Variants in THSD7A observed in about 807,000 individuals in gnomAD.
The protein encoded by THSD7A is thrombospondin type-1 domain-containing protein 7A.
Under a neutral mutation model 231.3 loss-of-function variants are expected in THSD7A, and 96 were observed. The observed-to-expected ratio is 0.41, with a 90% CI of 0.35 to 0.49. THSD7A has a LOEUF of 0.49. Ranked by LOEUF, THSD7A falls within the 20% of genes least tolerant of loss-of-function variation. The pLI, the probability that THSD7A is intolerant of heterozygous loss-of-function variation, is 0.05. For missense variants in THSD7A, 2,290 were observed against 2,070.2 expected, an observed-to-expected ratio of 1.11 and a Z score of -2.06; for synonymous variants, 940 against 743.3, an observed-to-expected ratio of 1.26 and a Z score of -4.30.
chr7:11,540,276 C>T (rs48), intron 6 of THSD7A, among the ~76,000 whole-genome samples: 110,957 of 152,174 alleles, frequency 0.73, 41,996 homozygotes, highest in African/African-American at 0.93. Context: ...AATACTGTCT[C>T]GCATGACTAT....
chr7:11,539,884 G>C (rs1344065814), intron 6 of THSD7A, among the ~76,000 whole-genome samples: 1 of 152,044 alleles, frequency 6.6e-6, no homozygotes, highest in African/African-American at 2.4e-5. Context: ...TTCCTCTATA[G>C]GACTATGGAA....
chr7:11,705,826 A>G (rs957810507), intron 1 of THSD7A, among the ~76,000 whole-genome samples: 5 of 150,986 alleles, frequency 3.3e-5, no homozygotes, highest in South Asian at 2.1e-4. Flanking sequence ...TCTATTTTCC[A>G]TATTGTTCCA....
intron 6 of THSD7A, among the ~76,000 whole-genome samples, chr7:11,502,848 G>C (rs1261240050): frequency 6.6e-6 from 1 of 152,150 alleles, no homozygotes; most frequent in African/African-American, 2.4e-5. Context: ...TGGATAGAAA[G>C]AATCAGTATC....
intron 11 of THSD7A, among the ~76,000 whole-genome samples, chr7:11,460,375 C>CAAAA (rs1785460040): frequency 6.6e-6 from 1 of 151,386 alleles, no homozygotes; most frequent in African/African-American, 2.4e-5. Context: ...AACAAACAAA[C>CAAAA]AAAAAAGCTT....
intron 6 of THSD7A, among the ~76,000 whole-genome samples, chr7:11,536,528 T>C (rs1024079784): frequency 3.3e-5 from 5 of 152,226 alleles, no homozygotes; most frequent in African/African-American, 9.6e-5. Context: ...ACTTTCCTTT[T>C]GCTGATTTTG....
At chr7:11,461,708 C>G (rs1785511219) in intron 10 of THSD7A, among the ~76,000 whole-genome samples, 1 of 152,134 alleles carries the variant, frequency 6.6e-6, no homozygotes, top group South Asian at 2.1e-4. Flanking sequence ...ATACATGTTT[C>G]ATAATTATTA....
intron 1 of THSD7A, among the ~76,000 whole-genome samples, chr7:11,641,063 TGAC>T (rs1782059904): frequency 6.6e-6 from 1 of 152,152 alleles, no homozygotes; most frequent in African/African-American, 2.4e-5. Flanking sequence ...AATTACCATT[TGAC>T]ATATAGAAAT....
chr7:11,483,270 G>A (rs1447087380), intron 6 of THSD7A, among the ~76,000 whole-genome samples: 3 of 152,110 alleles, frequency 2.0e-5, no homozygotes, highest in East Asian at 1.9e-4. Flanking sequence ...AATTGCAAAT[G>A]CTCTAATATG....
intron 22 of THSD7A, among the ~76,000 whole-genome samples, chr7:11,405,692 A>G (rs1361732755): frequency 1.3e-5 from 2 of 152,108 alleles, no homozygotes; most frequent in East Asian, 3.9e-4. Context: ...TACTGCATGC[A>G]CTCATTGTGT....
chr7:11,416,458 TAGAAC>T (rs755343696), intron 17 of THSD7A, among the ~76,000 whole-genome samples: 1 of 152,242 alleles, frequency 6.6e-6, no homozygotes, highest in Non-Finnish European at 1.5e-5. Flanking sequence ...CCTTTGAAAT[TAGAAC>T]AGAAAATCAA....
intron 12 of THSD7A, 30 bp downstream of exon 12, chr7:11,447,200 T>C (rs1490534893): frequency 1.2e-6 from 2 of 1,606,966 alleles, no homozygotes; most frequent in Admixed American, 3.3e-5. Flanking sequence ...CTTTGACGTG[T>C]ACTGGCTTTG....
At chr7:11,635,521 G>T (rs1216260063) in intron 2 of THSD7A, among the ~76,000 whole-genome samples, 2 of 152,190 alleles carry the variant, frequency 1.3e-5, no homozygotes, top group African/African-American at 4.8e-5. Context: ...TCTAGAAAAT[G>T]AAGCTAATTA....
intron 1 of THSD7A, among the ~76,000 whole-genome samples, chr7:11,710,625 T>C (rs1780922754): frequency 1.3e-5 from 2 of 150,860 alleles, no homozygotes; most frequent in Non-Finnish European, 3.0e-5. Flanking sequence ...AGAGGGACTC[T>C]GCATGCTGAC....
chr7:11,524,692 T>C (rs1361696279), intron 6 of THSD7A, among the ~76,000 whole-genome samples: 4 of 152,096 alleles, frequency 2.6e-5, no homozygotes, highest in Non-Finnish European at 5.9e-5. Flanking sequence ...TTTCCTCCTC[T>C]TATACACATG....
intron 2 of THSD7A, among the ~76,000 whole-genome samples, chr7:11,628,264 G>A (rs544290765): frequency 2.0e-5 from 3 of 152,094 alleles, no homozygotes; most frequent in Non-Finnish European, 4.4e-5. Flanking sequence ...GACCTTTATA[G>A]GTTTTCTCCA....
At chr7:11,470,592 CCTG>C (rs1237188771) in intron 8 of THSD7A, among the ~76,000 whole-genome samples, 1 of 151,474 alleles carries the variant, frequency 6.6e-6, no homozygotes, top group Non-Finnish European at 1.5e-5. Flanking sequence ...TTGCTTTATT[CCTG>C]CTTTTATTTA....
chr7:11,612,968 T>C (rs35095629), intron 2 of THSD7A, among the ~76,000 whole-genome samples: 14,989 of 152,174 alleles, frequency 0.098, 891 homozygotes, highest in East Asian at 0.24. Context: ...CAACTCTCTT[T>C]GTCACAGTTT....
At chr7:11,390,984 G>T (rs773955098) in intron 23 of THSD7A, among the ~76,000 whole-genome samples, 9 of 152,202 alleles carry the variant, frequency 5.9e-5, no homozygotes, top group Non-Finnish European at 1.0e-4. Context: ...TCCCAGAGGG[G>T]CACCTGCCAG....
chr7:11,732,990 G>A (rs1196483113), intron 1 of THSD7A, among the ~76,000 whole-genome samples: 2 of 151,696 alleles, frequency 1.3e-5, no homozygotes, highest in South Asian at 2.1e-4. Flanking sequence ...AAATATCTAA[G>A]CAGTATTTGG....
Sources: gnomAD v4.1 joint callset for allele counts (sites outside exome capture counted in the v4.1 genomes callset) on GRCh38, gnomAD v4.1.1 for gene constraint, MANE v1.5 for transcripts, NCBI Gene and HGNC (gene_info 2026-07-23, HGNC 2026-07-21) for gene names.